The following TTC21B variants were observed in gnomAD, a reference collection of about 807,000 sequenced individuals.
The protein encoded by TTC21B is tetratricopeptide repeat domain 21B, also known as tetratricopeptide repeat protein 21B.
A neutral mutation model predicts 175.1 loss-of-function variants in TTC21B; 127 were observed. The ratio of observed to expected loss-of-function variants is 0.73; its 90% CI spans 0.63 to 0.84. TTC21B has a LOEUF of 0.84. TTC21B is among the 40% of genes least tolerant of loss of function. The probability of loss-of-function intolerance (pLI) is 0.00; values close to 1 mark genes in which losing one functional copy is unlikely to be tolerated. For missense variants in TTC21B, 1,561 were observed against 1,558.3 expected (o/e 1.00, Z -0.03); for synonymous variants, 524 against 524.5 (o/e 1.00, Z 0.01).
chr2:165,917,200 A>G, intron 14 of TTC21B, 57 bp downstream of exon 14: 2 of 1,496,298 alleles, frequency 1.3e-6, no homozygotes, highest in Non-Finnish European at 1.9e-6. Context: ...TTCTACTAAT[A>G]TATATGTTAG....
At position 165,931,875 on chromosome 2, in the gene TTC21B, G is replaced by T; in HGVS notation, c.796-19C>A. The T allele has an allele frequency of 6.5e-7, 1 of 1,537,222 alleles. No homozygotes were observed. Among genetic ancestry groups the T allele is most frequent in the Non-Finnish European group, 9.0e-7 (1 of 1,110,382 alleles). ...TGGAAGCCTAAAACAAAAGGAACTG[G>T]TATTAACTTAAAATATACTAAGTAA... On this transcript the variant is annotated intron_variant, in intron 7 of 28. Coordinates refer to ENST00000243344, the MANE Select transcript of TTC21B (RefSeq NM_024753.5).
intron 25 of TTC21B, 51 bp from the exon 26 acceptor site, chr2:165,884,069 C>G (rs1684929565): frequency 1.4e-6 from 2 of 1,399,256 alleles, no homozygotes; most frequent in African/African-American, 2.8e-5. Context: ...ATAAATGCCC[C>G]AAAAACATAC....
intron 24 of TTC21B, among the ~76,000 whole-genome samples, chr2:165,889,338 C>G (rs1685111812): frequency 6.6e-6 from 1 of 152,006 alleles, no homozygotes. Context: ...CTTTTCTGAC[C>G]TTCCTTCCTC....
At chr2:165,943,737 TAAC>T (rs1417642223) in intron 4 of TTC21B, among the ~76,000 whole-genome samples, 1 of 152,144 alleles carries the variant, frequency 6.6e-6, no homozygotes, top group African/African-American at 2.4e-5. Context: ...TAAGATGAAA[TAAC>T]AGAAGAAGCC....
chr2:165,892,479 AATAG>A (rs1432053738), intron 22 of TTC21B, among the ~76,000 whole-genome samples: 1 of 152,212 alleles, frequency 6.6e-6, no homozygotes, highest in Non-Finnish European at 1.5e-5. Context: ...ATTGTGTTTG[AATAG>A]ATAATCAAAA....
Position 165,917,310 on chromosome 2 carries a change from G to A in TTC21B, c.1846C>T (p.Arg616Cys), listed in dbSNP as rs139441507. 2.9e-3 allele frequency: 4,752 copies of A among 1,614,122 alleles called. 33 individuals carry two copies. The highest frequency in any genetic ancestry group is 0.018 in the Middle Eastern group (112 of 6,060). Residue 616 changes from arginine to cysteine, a missense_variant, in exon 14 of 29, where the codon CGT (arginine) becomes TGT (cysteine). Transcript: ENST00000243344. ...ATCAATTCAAGAAAGATCGATAAAC[G>A]ATGGCTTGTATCAACTTCAGTTTTT... is the stretch of plus-strand genomic sequence containing the variant. The part of the protein sequence containing the change: ...DRKTEVDTSH[R>C]LSIFLELIDV...
rs1355519809 is a variant in TTC21B at position 165,911,585 on chromosome 2, T to C, written c.2323-120A>G. 7 of 1,148,182 alleles carry C rather than the reference T, an allele frequency of 6.1e-6. No homozygotes were observed. The East Asian group carries it at 7.4e-5, about 12-fold the overall frequency. 71.1% of individuals were successfully genotyped at this position (1,148,182 alleles called of 1,614,324 possible). Reference sequence around the variant, plus strand: ...AACTAGAAATAACCAGGAAGAATTGTAGGCATACACCTGCCTGTCAATTAA... The same window carrying C: ...AACTAGAAATAACCAGGAAGAATTGCAGGCATACACCTGCCTGTCAATTAA... On this transcript the variant is annotated intron_variant, in intron 17 of 28. Coordinates refer to ENST00000243344, the MANE Select transcript of TTC21B (RefSeq NM_024753.5).
At chr2:165,917,880 T>C (rs575072331) in intron 13 of TTC21B, among the ~76,000 whole-genome samples, 1 of 152,352 alleles carries the variant, frequency 6.6e-6, no homozygotes, top group East Asian at 1.9e-4. Flanking sequence ...CTTTATTTTT[T>C]TAATTTGAAG....
intron 14 of TTC21B, among the ~76,000 whole-genome samples, chr2:165,916,946 G>A (rs933210141): frequency 1.3e-5 from 2 of 151,890 alleles, no homozygotes; most frequent in East Asian, 1.9e-4. Context: ...GCATCATCTC[G>A]GCTCACTGCA....
intron 10 of TTC21B, 140 bp from the exon 11 acceptor site, chr2:165,929,475 A>G: frequency 1.1e-6 from 1 of 922,952 alleles, no homozygotes; most frequent in Admixed American, 2.3e-5. Context: ...ATAGACTTTT[A>G]GAATCATTCA....
At chr2:165,942,658 T>C (rs1338013985) in intron 5 of TTC21B, among the ~76,000 whole-genome samples, 8 of 152,158 alleles carry the variant, frequency 5.3e-5, no homozygotes, top group Non-Finnish European at 1.5e-5. Flanking sequence ...ATCTCCTCTA[T>C]TTGAAATACT....
chr2:165,917,232 G>T (rs1374486559), intron 14 of TTC21B, 25 bp downstream of exon 14: 2 of 1,587,782 alleles, frequency 1.3e-6, no homozygotes, highest in Non-Finnish European at 1.7e-6. Flanking sequence ...TCACATCCGA[G>T]CCCTTAAATT....
chr2:165,940,063 CATT>C (rs1437579597), intron 6 of TTC21B, among the ~76,000 whole-genome samples: 6 of 152,162 alleles, frequency 3.9e-5, no homozygotes, highest in Non-Finnish European at 7.4e-5. Flanking sequence ...TCATTATCAT[CATT>C]GTTGTTGTTA....
Position 165,919,273 on chromosome 2 carries a change from T to G in TTC21B, c.1674+3A>C. The G allele has an allele frequency of 1.2e-6, 2 of 1,613,972 alleles. No individual in the cohort carries two copies. The highest frequency in any genetic ancestry group is 1.7e-6 in the Non-Finnish European group (2 of 1,179,912). ...CTTATCCACTTCAGTCTGGAATACTTACCTTAAAATCATAGCTCAGACAAA... is the reference window on the plus strand; with the variant it reads ...CTTATCCACTTCAGTCTGGAATACTGACCTTAAAATCATAGCTCAGACAAA... On this transcript the variant is annotated splice_donor_region_variant and intron_variant, in intron 13 of 28. Coordinates refer to ENST00000243344, the MANE Select transcript of TTC21B (RefSeq NM_024753.5).
At position 165,907,784 on chromosome 2, in the gene TTC21B, A is replaced by G. The variant is rs745783340; in HGVS notation, c.2462T>C (p.Val821Ala). The G allele has an allele frequency of 5.0e-6, 8 of 1,595,760 alleles. No homozygotes were observed. The East Asian group carries it at 1.8e-4, about 36-fold the overall frequency. Residue 821 changes from valine to alanine, a missense_variant and splice_region_variant, in exon 19 of 29, where the codon GTA becomes GCA. Physicochemically the swap from Val to Ala is moderately conservative, Grantham distance 64. Coordinates refer to ENST00000243344, the MANE Select transcript of TTC21B (RefSeq NM_024753.5). ...CTCCATGAGAGCTGACAGTTCATTTACTATGAAAGAATGGAATGTAATGCA... is the reference window on the plus strand; with the variant it reads ...CTCCATGAGAGCTGACAGTTCATTTGCTATGAAAGAATGGAATGTAATGCA... The part of the protein sequence containing the change: ...VLQHALAHEP[V>A]NELSALMEDG...
chr2:165,894,921 G>T (rs185615322), intron 22 of TTC21B, among the ~76,000 whole-genome samples: 82 of 152,202 alleles, frequency 5.4e-4, no homozygotes, highest in African/African-American at 1.9e-3. Context: ...GAGGATTAGG[G>T]TTACCAACTC....
Position 165,945,685 on chromosome 2 carries a change from C to G in TTC21B, c.268G>C (p.Glu90Gln). The change falls in exon 4 of 29, where the codon GAA (glutamate) becomes CAA (glutamine). Residue 90 changes from glutamate to glutamine, a missense_variant. Physicochemically the swap from Glu to Gln is conservative, Grantham distance 29. Transcript: ENST00000243344. ...CTGGCATCTGATTCCAGAATAGCTT[C>G]TCTATCTGGTAGGGGAAAATGATAT... is the stretch of plus-strand genomic sequence containing the variant. ...AHKMSPNPDR[E>Q]AILESDARVK... 3 of 1,612,892 alleles carry G rather than the reference C, an allele frequency of 1.9e-6. No individual in the cohort carries two copies. Among genetic ancestry groups the G allele is most frequent in the Non-Finnish European group, 2.5e-6 (3 of 1,179,630 alleles).
chr2:165,945,681 G>T lies in TTC21B; in HGVS notation c.272C>A (p.Ala91Asp), dbSNP rs371376632. 1.4e-4 allele frequency: 218 copies of T among 1,612,852 alleles called. No homozygotes were observed. Among genetic ancestry groups the T allele is most frequent in the Non-Finnish European group, 1.8e-4 (207 of 1,179,658 alleles). Residue 91 changes from alanine to aspartate, a missense_variant, in exon 4 of 29, where the codon GCT becomes GAT. Transcript: ENST00000243344. The part of the protein sequence containing the change: ...HKMSPNPDRE[A>D]ILESDARVKE... ...CACTCTGGCATCTGATTCCAGAATA[G>T]CTTCTCTATCTGGTAGGGGAAAATG...
Position 165,914,810 on chromosome 2 carries a change from CT to C in TTC21B, c.2138+390del, listed in dbSNP as rs34639821. 1.7e-4 allele frequency among the ~76,000 whole-genome samples: 25 copies of C among 151,346 alleles called. 1 individual carries two copies. Among genetic ancestry groups the C allele is most frequent in the South Asian group, 4.2e-4 (2 of 4,778 alleles). On this transcript the variant is annotated intron_variant, in intron 15 of 28. Coordinates refer to ENST00000243344, the MANE Select transcript of TTC21B (RefSeq NM_024753.5). ...GTTAGCATGGTACATACTAAAATAA[CT>C]TTTTTTTTCCTACAACTACTATATC...
Sources: allele counts gnomAD v4.1 joint callset (sites outside exome capture counted in the v4.1 genomes callset), GRCh38; gene constraint gnomAD v4.1.1; transcripts MANE v1.5; gene names NCBI Gene and HGNC (gene_info 2026-07-23, HGNC 2026-07-21).